Variants in SMAD5 observed in about 807,000 individuals in gnomAD.
SMAD5 encodes SMAD family member 5, also known as MAD, mothers against decapentaplegic homolog 5.
A neutral mutation model predicts 43.1 loss-of-function variants in SMAD5; 9 were observed. The observed-to-expected ratio is 0.21, with a 90% CI of 0.13 to 0.36. The LOEUF (loss-of-function observed/expected upper bound fraction) is 0.36, where lower values mean the gene tolerates loss of function less well. Among genes scored for constraint, SMAD5 ranks in the 10% least tolerant of loss-of-function variants. SMAD5 has a pLI of 1.00. For synonymous variants in SMAD5, 190 were observed against 192.4 expected (o/e 0.99, Z 0.10); for missense variants, 348 against 574.0 (o/e 0.61, Z 4.02).
chr5:136,163,006 G>GT (rs1753875339), intron 4 of SMAD5, among the ~76,000 whole-genome samples: 1 of 152,180 alleles, frequency 6.6e-6, no homozygotes, highest in Non-Finnish European at 1.5e-5. Flanking sequence ...CTTGAATTCT[G>GT]TTTCAGTGAA....
At chr5:136,139,880 A>T (rs1026021642) in intron 1 of SMAD5, among the ~76,000 whole-genome samples, 15 of 150,982 alleles carry the variant, frequency 9.9e-5, no homozygotes, top group Admixed American at 4.0e-4. Flanking sequence ...ATTAAAAACA[A>T]TTTTTTTTTG....
At position 136,160,841 on chromosome 5, in the gene SMAD5, A is replaced by C; in HGVS notation, c.404-15A>C. 6.2e-7 allele frequency: 1 copy of C among 1,611,824 alleles called. No homozygotes were observed. Among genetic ancestry groups the C allele is most frequent in the South Asian group, 1.1e-5 (1 of 91,016 alleles). On this transcript the variant is annotated splice_polypyrimidine_tract_variant and intron_variant, in intron 3 of 7. Coordinates refer to ENST00000545279, the MANE Select transcript of SMAD5 (RefSeq NM_005903.7). ...AGTCATTCCTGACAAATGACTTTTGATTTTTGTTTTTCAGTCTTACCTCCA... is the reference window on the plus strand; with the variant it reads ...AGTCATTCCTGACAAATGACTTTTGCTTTTTGTTTTTCAGTCTTACCTCCA...
chr5:136,139,591 G>A (rs971835592), intron 1 of SMAD5, among the ~76,000 whole-genome samples: 1 of 152,146 alleles, frequency 6.6e-6, no homozygotes, highest in Non-Finnish European at 1.5e-5. Context: ...GTAAGCCATC[G>A]TCATCTTCTC....
intron 2 of SMAD5, 68 bp downstream of exon 2, chr5:136,147,974 C>G (rs1465205554): frequency 6.6e-6 from 1 of 151,730 alleles, no homozygotes; most frequent in East Asian, 1.9e-4. Context: ...AGCCCATGTT[C>G]TATGCCTTCT....
At position 136,174,505 on chromosome 5, in the gene SMAD5, G is replaced by A; in HGVS notation, c.1127G>A (p.Ser376Asn). The change falls in exon 7 of 8, where the codon AGC becomes AAC. Residue 376 changes from serine to asparagine, a missense_variant. Coordinates refer to ENST00000545279, the MANE Select transcript of SMAD5 (RefSeq NM_005903.7). ...CCCACCACTGTCTGTAAGATTCCCA[G>A]CAGCTGCAGCCTCAAAATTTTTAAC... ...FHPTTVCKIP[S>N]SCSLKIFNNQ... 6.2e-7 allele frequency: 1 copy of A among 1,613,860 alleles called. No homozygotes were observed. The highest frequency in any genetic ancestry group is 8.5e-7 in the Non-Finnish European group (1 of 1,179,820).
chr5:136,171,447 C>T (rs1419505866), intron 5 of SMAD5, among the ~76,000 whole-genome samples: 1 of 152,204 alleles, frequency 6.6e-6, no homozygotes, highest in Non-Finnish European at 1.5e-5. Context: ...TGGGCACCTC[C>T]TCACTCCACC....
At chr5:136,161,470 T>C (rs908625498) in intron 4 of SMAD5, among the ~76,000 whole-genome samples, 4 of 152,238 alleles carry the variant, frequency 2.6e-5, no homozygotes, top group African/African-American at 9.6e-5. Flanking sequence ...AAAAAGAAAT[T>C]CTAAAGTAAA....
chr5:136,171,026 C>G (rs887994303), intron 5 of SMAD5, among the ~76,000 whole-genome samples: 1 of 152,104 alleles, frequency 6.6e-6, no homozygotes, highest in African/African-American at 2.4e-5. Context: ...ACAATTTCCT[C>G]CTTTCCTATC....
intron 2 of SMAD5, among the ~76,000 whole-genome samples, chr5:136,150,920 G>C (rs1339912999): frequency 6.6e-6 from 1 of 151,960 alleles, no homozygotes; most frequent in Non-Finnish European, 1.5e-5. Flanking sequence ...TTGAAAAAGT[G>C]ATACTAGTAA....
chr5:136,136,268 C>A (rs1018209785), intron 1 of SMAD5, among the ~76,000 whole-genome samples: 1 of 152,202 alleles, frequency 6.6e-6, no homozygotes, highest in East Asian at 1.9e-4. Flanking sequence ...ACCTCCGCCT[C>A]CCGGGTTGAA....
At chr5:136,146,166 G>A (rs1753251904) in intron 1 of SMAD5, among the ~76,000 whole-genome samples, 2 of 151,790 alleles carry the variant, frequency 1.3e-5, no homozygotes, top group African/African-American at 4.8e-5. Context: ...GTATAAATAA[G>A]GCTATAAGTG....
chr5:136,154,886 T>G (rs1452124505), intron 3 of SMAD5, among the ~76,000 whole-genome samples: 1 of 152,176 alleles, frequency 6.6e-6, no homozygotes, highest in Non-Finnish European at 1.5e-5. Flanking sequence ...TCAAAACTTT[T>G]TCTGTGTTTG....
chr5:136,160,060 G>T (rs984032844), intron 3 of SMAD5, among the ~76,000 whole-genome samples: 1 of 152,190 alleles, frequency 6.6e-6, no homozygotes, highest in African/African-American at 2.4e-5. Context: ...AATGTGATTG[G>T]TCACTTGGGT....
chr5:136,176,474 A>G (rs1232649526), intron 7 of SMAD5, among the ~76,000 whole-genome samples: 1 of 149,952 alleles, frequency 6.7e-6, no homozygotes, highest in Non-Finnish European at 1.5e-5. Context: ...AAAAAAAAAA[A>G]AAAAAAAAAG....
chr5:136,133,492 G>T (rs933284056), intron 1 of SMAD5: 2 of 152,314 alleles, frequency 1.3e-5, no homozygotes, highest in Admixed American at 6.5e-5. Context: ...TACACTCTGG[G>T]CAGTTGTGAC....
At chr5:136,158,592 G>A (rs536594673) in intron 3 of SMAD5, among the ~76,000 whole-genome samples, 2 of 152,210 alleles carry the variant, frequency 1.3e-5, no homozygotes, top group South Asian at 4.2e-4. Context: ...ACCAATATAG[G>A]TTGGAACCAA....
At chr5:136,155,437 G>A (rs555118878) in intron 3 of SMAD5, among the ~76,000 whole-genome samples, 1 of 152,216 alleles carries the variant, frequency 6.6e-6, no homozygotes, top group Non-Finnish European at 1.5e-5. Context: ...CTTAAGTAGT[G>A]TCCTAATTGG....
At chr5:136,165,813 CTATT>C (rs1160495277) in intron 5 of SMAD5, among the ~76,000 whole-genome samples, 2 of 150,464 alleles carry the variant, frequency 1.3e-5, no homozygotes, top group Non-Finnish European at 3.0e-5. Flanking sequence ...TTTTGTTTAT[CTATT>C]CATCCATTGA....
At chr5:136,146,108 A>T (rs918580670) in intron 1 of SMAD5, among the ~76,000 whole-genome samples, 3 of 151,866 alleles carry the variant, frequency 2.0e-5, no homozygotes, top group Non-Finnish European at 2.9e-5. Context: ...ACTCTTTATT[A>T]TCTAGCTTAG....
Sources: gnomAD v4.1 joint callset for allele counts (sites outside exome capture counted in the v4.1 genomes callset) on GRCh38, gnomAD v4.1.1 for gene constraint, MANE v1.5 for transcripts, NCBI Gene and HGNC (gene_info 2026-07-23, HGNC 2026-07-21) for gene names.